CRACDL: variants seen among roughly 807,000 people sequenced by gnomAD.
CRACDL encodes CRACD-like protein.
In CRACDL, 26 loss-of-function variants were observed where a neutral mutation model predicts 70.6. That is an observed-to-expected ratio of 0.37 (90% CI 0.27 to 0.51). The LOEUF is 0.51. Ranked by LOEUF, CRACDL falls within the 20% of genes least tolerant of loss-of-function variation. The pLI, the probability that CRACDL is intolerant of heterozygous loss-of-function variation, is 0.94. For missense variants in CRACDL, 1,283 were observed against 1,376.9 expected, an observed-to-expected ratio of 0.93 and a Z score of 1.08; for synonymous variants, 618 against 615.2, an observed-to-expected ratio of 1.00 and a Z score of -0.07.
intron 2 of CRACDL, among the ~76,000 whole-genome samples, chr2:98,838,719 C>G (rs1033920993): frequency 6.6e-6 from 1 of 152,134 alleles, no homozygotes; most frequent in Admixed American, 6.6e-5. Flanking sequence ...AGTGTGAATA[C>G]AGCATCAAGG....
chr2:98,847,362 T>C (rs35327005), intron 1 of CRACDL, among the ~76,000 whole-genome samples: 1,648 of 152,348 alleles, frequency 0.011, 19 homozygotes, highest in Admixed American at 0.017. Context: ...TATTTTGATA[T>C]ACTACTGTAC....
intron 1 of CRACDL, among the ~76,000 whole-genome samples, chr2:98,900,647 G>A (rs1012756615): frequency 2.6e-5 from 4 of 152,120 alleles, no homozygotes; most frequent in Admixed American, 2.0e-4. Context: ...GTGTGCATGC[G>A]TGTGTGTGGA....
intron 1 of CRACDL, among the ~76,000 whole-genome samples, chr2:98,848,028 G>A (rs1706332766): frequency 6.6e-6 from 1 of 152,130 alleles, no homozygotes; most frequent in African/African-American, 2.4e-5. Context: ...TCAAAAAAAT[G>A]TCCGGTCTTG....
At position 98,822,947 on chromosome 2, in the gene CRACDL, C is replaced by T. The variant is rs1705143116; in HGVS notation, c.1326G>A (p.Thr442=). The T allele has an allele frequency of 4.1e-6, 6 of 1,460,616 alleles. No individual in the cohort carries two copies. The highest frequency in any genetic ancestry group is 1.9e-4 in the Middle Eastern group (1 of 5,382). 90.5% of individuals were successfully genotyped at this position (1,460,616 alleles called of 1,614,324 possible). Residue 442 remains threonine (T), a synonymous_variant, in exon 7 of 10, where the codon ACG becomes ACA. Transcript: ENST00000397899. This position sits in a 1 kb window ranked among gnomAD's most constrained non-coding sequence, Gnocchi z 4.9. The stretch of plus-strand genomic sequence containing the variant: ...TCTCCTCATCCGGGAGCACGGGCGG[C>T]GTCGGCTCCGCTTCCTTCGGGACAC... ...ERSVPKEAEP[T]PPVLPDEEKG... is the part of the protein sequence containing the mutation.
intron 1 of CRACDL, among the ~76,000 whole-genome samples, chr2:98,915,702 T>C (rs1708647745): frequency 2.6e-5 from 4 of 152,068 alleles, no homozygotes; most frequent in Admixed American, 2.0e-4. Context: ...GAGCCACACA[T>C]AGGTGTAGGC....
intron 1 of CRACDL, among the ~76,000 whole-genome samples, chr2:98,870,976 G>A (rs866192717): frequency 6.6e-6 from 1 of 152,218 alleles, no homozygotes; most frequent in Non-Finnish European, 1.5e-5. Context: ...CCCAGGGACC[G>A]CGAGATTCGC....
intron 1 of CRACDL, among the ~76,000 whole-genome samples, chr2:98,919,353 T>C (rs2104690059): frequency 6.6e-6 from 1 of 152,306 alleles, no homozygotes; most frequent in East Asian, 1.9e-4. Context: ...ATTTTTTCCT[T>C]TTGCAAACTA....
At chr2:98,808,229 T>A (rs1704401602) in intron 7 of CRACDL, among the ~76,000 whole-genome samples, 4 of 152,186 alleles carry the variant, frequency 2.6e-5, no homozygotes, top group Admixed American at 2.6e-4. Context: ...AGCAGATTCA[T>A]AAGCACTCCT....
rs114066235 is a variant in CRACDL, at chr2:98,794,780, C to T, written c.2750-109G>A. On this transcript the variant is annotated intron_variant, in intron 9 of 9. Coordinates refer to ENST00000397899, the MANE Select transcript of CRACDL (RefSeq NM_207362.3). ...GACATCGAGGTCTTAACTGTGTTCT[C>T]GAACATAAAATTCAATAATATGTCA... 0.034 allele frequency: 28,211 copies of T among 835,504 alleles called. 563 individuals carry two copies. The highest frequency in any genetic ancestry group is 0.048 in the Admixed American group (1,778 of 36,972). The allele number at this position is 835,504 out of a possible 1,614,324, so 51.8% of individuals were successfully genotyped here.
chr2:98,877,511 C>T (rs1191965028), intron 1 of CRACDL, among the ~76,000 whole-genome samples: 2 of 151,982 alleles, frequency 1.3e-5, no homozygotes, highest in African/African-American at 2.4e-5. Context: ...TTTGGGAGGC[C>T]GAGGCAGGCG....
intron 1 of CRACDL, among the ~76,000 whole-genome samples, chr2:98,901,702 G>A (rs929492682): frequency 6.6e-6 from 1 of 152,204 alleles, no homozygotes; most frequent in Non-Finnish European, 1.5e-5. Flanking sequence ...CTGGGATAGG[G>A]CCTCTTTGTT....
At chr2:98,851,448 C>T (rs974885154) in intron 1 of CRACDL, among the ~76,000 whole-genome samples, 1 of 152,206 alleles carries the variant, frequency 6.6e-6, no homozygotes, top group Non-Finnish European at 1.5e-5. Context: ...GTTCACCTTT[C>T]CCTTATCAGT....
chr2:98,886,392 A>G (rs568382429), intron 1 of CRACDL, among the ~76,000 whole-genome samples: 223 of 152,330 alleles, frequency 1.5e-3, no homozygotes, highest in Middle Eastern at 3.4e-3. Context: ...CAAACAACAG[A>G]TTGTCTAAAA....
At chr2:98,885,716 G>C (rs1707782100) in intron 1 of CRACDL, among the ~76,000 whole-genome samples, 1 of 152,174 alleles carries the variant, frequency 6.6e-6, no homozygotes, top group African/African-American at 2.4e-5. Context: ...GAGATTGACA[G>C]GTTCTGCAAC....
Position 98,855,823 on chromosome 2 carries a change from A to T in CRACDL, c.-10-9013T>A, listed in dbSNP as rs573616021. On this transcript the variant is annotated intron_variant, in intron 1 of 9. Coordinates refer to ENST00000397899, the MANE Select transcript of CRACDL (RefSeq NM_207362.3). ...AAAATAAACAAACTGAAAATTCTTG[A>T]GTTGAAAAGTACAATAAGTGAAATG... is the stretch of plus-strand genomic sequence containing the variant. Among the ~76,000 whole-genome samples the T allele has an allele frequency of 2.0e-5, 3 of 152,362 alleles. No homozygotes were observed. The South Asian group carries it at 6.2e-4, about 32-fold the overall frequency.
At chr2:98,930,818 CT>C (rs1178752845) in intron 1 of CRACDL, among the ~76,000 whole-genome samples, 3 of 152,148 alleles carry the variant, frequency 2.0e-5, no homozygotes, top group African/African-American at 7.2e-5. Context: ...GGGGTCCTAA[CT>C]GGTAGTTATA....
Position 98,832,844 on chromosome 2 carries a change from G to A in CRACDL, c.375+18C>T. On this transcript the variant is annotated intron_variant, in intron 4 of 9. Coordinates refer to ENST00000397899, the MANE Select transcript of CRACDL (RefSeq NM_207362.3). ...ATTTGACTTGCACACCAGGCGACAT[G>A]ACCAAGGAAACATTTACCTGCAGAG... 1 of 1,613,018 alleles carries A rather than the reference G, an allele frequency of 6.2e-7. No individual in the cohort carries two copies. Among genetic ancestry groups the A allele is most frequent in the Non-Finnish European group, 8.5e-7 (1 of 1,179,738 alleles).
chr2:98,883,648 G>A (rs557030087), intron 1 of CRACDL, among the ~76,000 whole-genome samples: 9 of 152,260 alleles, frequency 5.9e-5, no homozygotes, highest in Non-Finnish European at 8.8e-5. Flanking sequence ...CCAGTGCAAC[G>A]AACCAGAGAT....
chr2:98,826,168 T>G (rs1048924413), intron 6 of CRACDL, among the ~76,000 whole-genome samples: 1 of 152,146 alleles, frequency 6.6e-6, no homozygotes, highest in Non-Finnish European at 1.5e-5. Flanking sequence ...TGAGCCAGTT[T>G]CTCAGCTTCT....
Sources: allele counts gnomAD v4.1 joint callset (sites outside exome capture counted in the v4.1 genomes callset), GRCh38; gene constraint gnomAD v4.1.1; non-coding constraint Gnocchi (gnomAD v3.1); transcripts MANE v1.5; gene names NCBI Gene and HGNC (gene_info 2026-07-23, HGNC 2026-07-21).